GPSM1: variants seen among roughly 807,000 people sequenced by gnomAD.
The protein encoded by GPSM1 is G protein signaling modulator 1.
GPSM1 carries 48 observed loss-of-function variants against 70.5 expected under a neutral mutation model. The ratio of observed to expected loss-of-function variants is 0.68; its 90% CI spans 0.54 to 0.87. The LOEUF (loss-of-function observed/expected upper bound fraction) is 0.87. Ranked by LOEUF, GPSM1 falls within the 40% of genes least tolerant of loss-of-function variation. The pLI, the probability that GPSM1 is intolerant of heterozygous loss-of-function variation, is 0.00. For missense variants in GPSM1, 981 were observed against 972.6 expected (o/e 1.01, Z -0.11); for synonymous variants, 416 against 430.1 (o/e 0.97, Z 0.41).
chr9:136,344,132 T>C (rs1395223993), intron 9 of GPSM1, among the ~76,000 whole-genome samples: 1 of 121,824 alleles, frequency 8.2e-6, no homozygotes, highest in African/African-American at 3.2e-5. Context: ...AACAGGGAGG[T>C]GCGGACAGGA....
Position 136,334,674 on chromosome 9 carries a change from T to G in GPSM1, c.290+6T>G. The G allele has an allele frequency of 2.5e-6, 4 of 1,605,030 alleles. No individual in the cohort carries two copies. The highest frequency in any genetic ancestry group is 2.5e-6 in the Non-Finnish European group (3 of 1,176,724). Reference sequence around the variant, plus strand: ...CATGACCTCCTGCTGGCGCGGTGAGTGGGGACGGTCCTGCTGGCGGGTGAG... The same window carrying G: ...CATGACCTCCTGCTGGCGCGGTGAGGGGGGACGGTCCTGCTGGCGGGTGAG... On this transcript the variant is annotated splice_donor_region_variant and intron_variant, in intron 2 of 13. Transcript: ENST00000440944.
intron 11 of GPSM1, chr9:136,354,851 C>G: frequency 1.0e-6 from 1 of 1,000,992 alleles, no homozygotes. Context: ...AGGGCTGACA[C>G]AGGGTGTGGT....
At chr9:136,346,927 C>T (rs1205199697) in intron 9 of GPSM1, among the ~76,000 whole-genome samples, 5 of 152,192 alleles carry the variant, frequency 3.3e-5, no homozygotes, top group African/African-American at 1.2e-4. Context: ...GCCCAGAACC[C>T]AGGGCTAACG....
At chr9:136,347,960 G>C (rs1480429992) in intron 9 of GPSM1, among the ~76,000 whole-genome samples, 1 of 152,248 alleles carries the variant, frequency 6.6e-6, no homozygotes, top group East Asian at 1.9e-4. Context: ...ACTGAGGCTT[G>C]AAGGTGGGCC....
intron 3 of GPSM1, 37 bp downstream of exon 3, chr9:136,336,138 C>G: frequency 6.3e-7 from 1 of 1,596,420 alleles, no homozygotes; most frequent in Non-Finnish European, 8.5e-7. Context: ...TCTCCCACCC[C>G]TGCACCGGCC....
At chr9:136,330,463 A>T (rs540668943) in intron 1 of GPSM1, among the ~76,000 whole-genome samples, 13 of 152,144 alleles carry the variant, frequency 8.5e-5, no homozygotes, top group Non-Finnish European at 1.6e-4. Context: ...GGCAAGCCTG[A>T]CCCCAGGTGC....
chr9:136,344,236 G>C (rs1230927682), intron 9 of GPSM1, among the ~76,000 whole-genome samples: 1 of 150,468 alleles, frequency 6.6e-6, no homozygotes, highest in Non-Finnish European at 1.5e-5. Context: ...CAGAAGCGGG[G>C]TGGGGCGCAG....
intron 1 of GPSM1, among the ~76,000 whole-genome samples, chr9:136,331,742 G>C (rs1399800058): frequency 6.6e-6 from 1 of 152,234 alleles, no homozygotes; most frequent in Non-Finnish European, 1.5e-5. Context: ...GGAGGAGCAC[G>C]TTGGACGGGA....
At position 136,358,169 on chromosome 9, in the gene GPSM1, G is replaced by A; in HGVS notation, c.1977G>A (p.Gly659=). 2 of 1,586,168 alleles carry A rather than the reference G, an allele frequency of 1.3e-6. No homozygotes were observed. Among genetic ancestry groups the A allele is most frequent in the Non-Finnish European group, 1.7e-6 (2 of 1,168,004 alleles). ...RVDLAGGPEQ[G]AGGPPEPQQQ... ...ACCTCGCCGGGGGCCCGGAGCAGGGGGCAGGCGGCCCGCCCGAGCCCCAGC... is the reference window on the plus strand; with the variant it reads ...ACCTCGCCGGGGGCCCGGAGCAGGGAGCAGGCGGCCCGCCCGAGCCCCAGC... Residue 659 remains glycine (G), a synonymous_variant, in exon 14 of 14, where the codon GGG becomes GGA. Transcript: ENST00000440944.
intron 11 of GPSM1, chr9:136,354,888 G>A (rs1832772494): frequency 8.9e-6 from 9 of 1,013,854 alleles, no homozygotes; most frequent in Non-Finnish European, 7.1e-6. Flanking sequence ...GGCACGGGAG[G>A]CTTCCCGGGA....
chr9:136,356,303 C>T (rs782119412), intron 12 of GPSM1, 39 bp from the exon 13 acceptor site: 40 of 1,445,428 alleles, frequency 2.8e-5, no homozygotes, highest in African/African-American at 1.1e-4. Flanking sequence ...GGCTTGACCC[C>T]GCACTGGGTC....
Position 136,341,200 on chromosome 9 carries a change from G to A in GPSM1, c.1207+207G>A, listed in dbSNP as rs781848349. ...CCTTCCCACCCGCATCCTGAGTGGC[G>A]CTGCAGGGCTGCTGGATGAAGGACA... On this transcript the variant is annotated intron_variant, in intron 9 of 13. Coordinates refer to ENST00000440944, the MANE Select transcript of GPSM1 (RefSeq NM_001145638.3). This position sits in a 1 kb window ranked among gnomAD's most constrained non-coding sequence, Gnocchi z 6.7. 6 of 1,539,900 alleles carry A rather than the reference G, an allele frequency of 3.9e-6. No individual in the cohort carries two copies. Among genetic ancestry groups the A allele is most frequent in the South Asian group, 3.6e-5 (3 of 83,074 alleles).
chr9:136,354,508 A>G (rs1465143496), intron 11 of GPSM1, among the ~76,000 whole-genome samples: 1 of 152,262 alleles, frequency 6.6e-6, no homozygotes, highest in African/African-American at 2.4e-5. Flanking sequence ...CTGTGAGCCC[A>G]GCATTTGCAG....
At chr9:136,331,944 C>G (rs56741794) in intron 1 of GPSM1, 6 of 398,148 alleles carry the variant, frequency 1.5e-5, no homozygotes, top group African/African-American at 4.1e-5. Flanking sequence ...AGCCCACCCC[C>G]CAGGACCCGT....
chr9:136,356,562 C>T lies in GPSM1; in HGVS notation c.1821+12C>T. On this transcript the variant is annotated intron_variant, in intron 13 of 13. Transcript: ENST00000440944. ...TCATCAAGTACCAGGTGGGCTGCGGCCCTGGGCGGGCGTGGCTCGCGGCCC... is the reference window on the plus strand; with the variant it reads ...TCATCAAGTACCAGGTGGGCTGCGGTCCTGGGCGGGCGTGGCTCGCGGCCC... 1.3e-6 allele frequency: 2 copies of T among 1,593,950 alleles called. No individual in the cohort carries two copies. The highest frequency in any genetic ancestry group is 1.7e-6 in the Non-Finnish European group (2 of 1,165,386).
chr9:136,358,499 A>G lies in GPSM1; in HGVS notation c.*279A>G. The G allele has an allele frequency of 3.7e-6, 2 of 542,108 alleles. No homozygotes were observed. Among genetic ancestry groups the G allele is most frequent in the East Asian group, 6.7e-5 (2 of 30,058 alleles). The allele number at this position is 542,108 out of a possible 1,614,324, so 33.6% of individuals were successfully genotyped here. Reference sequence around the variant, plus strand: ...ATGTCGGCCCCGACCTGGTGCTGTCAGACTCCCGCATCCTCTCCCCCAAGC... The same window carrying G: ...ATGTCGGCCCCGACCTGGTGCTGTCGGACTCCCGCATCCTCTCCCCCAAGC... On this transcript the variant is annotated 3_prime_UTR_variant, in exon 14 of 14. Coordinates refer to ENST00000440944, the MANE Select transcript of GPSM1 (RefSeq NM_001145638.3).
In GPSM1 at chr9:136,355,784, T is replaced by C; in HGVS notation, c.1550T>C (p.Leu517Pro). ...CGCATGGACGACCAGCGTTGTCCCC[T>C]GGACGATGGCCAGGCCGGGGCTGCC... ...SSRMDDQRCP[L>P]DDGQAGAAEA... Residue 517 changes from leucine to proline, a missense_variant, in exon 12 of 14, where the codon CTG becomes CCG. Coordinates refer to ENST00000440944, the MANE Select transcript of GPSM1 (RefSeq NM_001145638.3). 6.2e-7 allele frequency: 1 copy of C among 1,612,216 alleles called. No homozygotes were observed. Among genetic ancestry groups the C allele is most frequent in the Non-Finnish European group, 8.5e-7 (1 of 1,179,396 alleles).
chr9:136,350,323 G>A (rs541365706), intron 11 of GPSM1, among the ~76,000 whole-genome samples: 1 of 152,366 alleles, frequency 6.6e-6, no homozygotes, highest in South Asian at 2.1e-4. Context: ...CAGGGCCCTG[G>A]AGGGGTGGAC....
In GPSM1 at chr9:136,338,312, G is replaced by A. The variant is rs548747497; in HGVS notation, c.819-243G>A. On this transcript the variant is annotated intron_variant, in intron 6 of 13. Coordinates refer to ENST00000440944, the MANE Select transcript of GPSM1 (RefSeq NM_001145638.3). ...GCACAGCAGTCTCAGGTCCTCCGGG[G>A]AGGAGTGGTGGCGGCTCAGGGTGGT... Among the ~76,000 whole-genome samples, 11 of 152,342 alleles carry A rather than the reference G, an allele frequency of 7.2e-5. No individual in the cohort carries two copies. In the East Asian group the frequency reaches 1.2e-3, roughly 16 times the overall value.
Sources: gnomAD v4.1 joint callset for allele counts (sites outside exome capture counted in the v4.1 genomes callset) on GRCh38, gnomAD v4.1.1 for gene constraint, Gnocchi (gnomAD v3.1) non-coding constraint, MANE v1.5 for transcripts, NCBI Gene and HGNC (gene_info 2026-07-23, HGNC 2026-07-21) for gene names.